Variants in MEOX2 observed in about 807,000 individuals in gnomAD.
MEOX2 encodes the protein homeobox protein MOX-2.
A neutral mutation model predicts 27.0 loss-of-function variants in MEOX2; 11 were observed. The ratio of observed to expected loss-of-function variants is 0.41; its 90% CI spans 0.26 to 0.68. The LOEUF (loss-of-function observed/expected upper bound fraction) is 0.68. Ranked by LOEUF, MEOX2 falls within the 30% of genes least tolerant of loss-of-function variation. MEOX2 has a pLI of 0.33. For missense variants in MEOX2, 436 were observed against 385.4 expected, an observed-to-expected ratio of 1.13 and a Z score of -1.10; for synonymous variants, 189 against 155.4, an observed-to-expected ratio of 1.22 and a Z score of -1.61.
chr7:15,670,772 T>G (rs1045998009), intron 1 of MEOX2, among the ~76,000 whole-genome samples: 2 of 152,334 alleles, frequency 1.3e-5, no homozygotes, highest in Admixed American at 6.5e-5. Flanking sequence ...GTAATATTTG[T>G]TGAGCAACCC....
chr7:15,617,800 G>T (rs893672537), intron 2 of MEOX2, among the ~76,000 whole-genome samples: 1 of 151,982 alleles, frequency 6.6e-6, no homozygotes, highest in African/African-American at 2.4e-5. Context: ...GTAATTTTTA[G>T]TTCTGAAGCC....
chr7:15,656,008 G>T (rs970959377), intron 1 of MEOX2, among the ~76,000 whole-genome samples: 1 of 151,608 alleles, frequency 6.6e-6, no homozygotes, highest in African/African-American at 2.4e-5. Flanking sequence ...ATCAGTTTTT[G>T]TTTTATGTAT....
At chr7:15,658,467 T>A (rs933170601) in intron 1 of MEOX2, among the ~76,000 whole-genome samples, 1 of 152,202 alleles carries the variant, frequency 6.6e-6, no homozygotes, top group African/African-American at 2.4e-5. Flanking sequence ...CTGTTAGACA[T>A]TTTTTGTGTG....
At chr7:15,645,461 A>G (rs945705186) in intron 1 of MEOX2, among the ~76,000 whole-genome samples, 3 of 152,228 alleles carry the variant, frequency 2.0e-5, no homozygotes, top group African/African-American at 7.2e-5. Context: ...ACATGGGCTC[A>G]TACCAGTGAA....
At chr7:15,663,507 AT>A (rs57602664) in intron 1 of MEOX2, among the ~76,000 whole-genome samples, 111,170 of 148,270 alleles carry the variant, frequency 0.75, 41,691 homozygotes, top group East Asian at 0.9. Context: ...TAATTTTTGT[AT>A]TTTTTTTTTT....
chr7:15,630,339 C>T lies in MEOX2; in HGVS notation c.518-3421G>A, dbSNP rs565009903. Among the ~76,000 whole-genome samples the T allele has an allele frequency of 4.2e-4, 64 of 152,112 alleles. 1 individual carries two copies. In the South Asian group the frequency reaches 6.6e-3, roughly 16 times the overall value. ...CTCCACATGTGACTTTTTATTTCCC[C>T]TAGTGCAAGAGAATGCCAAAAGATA... On this transcript the variant is annotated intron_variant, in intron 1 of 2. Transcript: ENST00000262041.
chr7:15,647,349 C>T (rs1781667610), intron 1 of MEOX2, among the ~76,000 whole-genome samples: 1 of 152,022 alleles, frequency 6.6e-6, no homozygotes, highest in African/African-American at 2.4e-5. Context: ...AGAGAGGTTC[C>T]CATGCTTTCA....
At chr7:15,642,170 G>C (rs1781572583) in intron 1 of MEOX2, among the ~76,000 whole-genome samples, 1 of 152,084 alleles carries the variant, frequency 6.6e-6, no homozygotes, top group Non-Finnish European at 1.5e-5. Flanking sequence ...AGCAATATTA[G>C]GGAAATTTTC....
intron 2 of MEOX2, among the ~76,000 whole-genome samples, chr7:15,622,637 C>G (rs1781238382): frequency 6.6e-6 from 1 of 151,838 alleles, no homozygotes; most frequent in African/African-American, 2.4e-5. Flanking sequence ...TGTGGAAATC[C>G]TAGGGAAGGA....
At chr7:15,673,832 G>T (rs1476393920) in intron 1 of MEOX2, among the ~76,000 whole-genome samples, 1 of 152,104 alleles carries the variant, frequency 6.6e-6, no homozygotes, top group African/African-American at 2.4e-5. Context: ...AAACTTGAAT[G>T]TAGCTAAACT....
At chr7:15,627,027 T>C (rs911716696) in intron 1 of MEOX2, 109 bp from the exon 2 acceptor site, 1 of 1,074,740 alleles carries the variant, frequency 9.3e-7, no homozygotes, top group Non-Finnish European at 1.4e-6. Flanking sequence ...GCGCTAGACA[T>C]GGAACAAATA....
chr7:15,661,908 A>G (rs1583778295), intron 1 of MEOX2, among the ~76,000 whole-genome samples: 2 of 152,192 alleles, frequency 1.3e-5, no homozygotes, highest in East Asian at 3.8e-4. Context: ...ACAACTACAT[A>G]CTGTAAAATT....
At chr7:15,636,330 T>C (rs1583755633) in intron 1 of MEOX2, among the ~76,000 whole-genome samples, 1 of 152,126 alleles carries the variant, frequency 6.6e-6, no homozygotes, top group Non-Finnish European at 1.5e-5. Context: ...ATTTATAAAT[T>C]GATTTTGCTT....
chr7:15,678,199 G>A (rs545847205), intron 1 of MEOX2, among the ~76,000 whole-genome samples: 12 of 152,234 alleles, frequency 7.9e-5, no homozygotes, highest in African/African-American at 2.6e-4. Flanking sequence ...AAATTCCCAC[G>A]TAAGCATAGC....
At chr7:15,675,741 G>A (rs1782182976) in intron 1 of MEOX2, among the ~76,000 whole-genome samples, 1 of 152,124 alleles carries the variant, frequency 6.6e-6, no homozygotes, top group South Asian at 2.1e-4. Context: ...GACAAATCAA[G>A]CCTCCTCTAA....
chr7:15,626,696 G>T (rs1427207451), intron 2 of MEOX2, 50 bp downstream of exon 2: 3 of 1,363,752 alleles, frequency 2.2e-6, no homozygotes, highest in African/African-American at 2.9e-5. Context: ...AGAAGACTGT[G>T]GACCCAGGGC....
chr7:15,653,505 TC>T (rs910485606), intron 1 of MEOX2, among the ~76,000 whole-genome samples: 1 of 151,994 alleles, frequency 6.6e-6, no homozygotes, highest in African/African-American at 2.4e-5. Context: ...TATCAATTTT[TC>T]CTTTTATGGA....
chr7:15,645,088 C>T (rs759373870), intron 1 of MEOX2, among the ~76,000 whole-genome samples: 1 of 152,114 alleles, frequency 6.6e-6, no homozygotes, highest in African/African-American at 2.4e-5. Context: ...GTATGATTAG[C>T]TAATTTGAAA....
At chr7:15,626,625 G>T in intron 2 of MEOX2, 121 bp downstream of exon 2, 1 of 646,668 alleles carries the variant, frequency 1.5e-6, no homozygotes, top group Non-Finnish European at 2.6e-6. Context: ...TCATGGAATA[G>T]TATAACTGTC....
Sources: allele counts gnomAD v4.1 joint callset (sites outside exome capture counted in the v4.1 genomes callset), GRCh38; gene constraint gnomAD v4.1.1; transcripts MANE v1.5; gene names NCBI Gene and HGNC (gene_info 2026-07-23, HGNC 2026-07-21).